Variants in PTPRN2 observed in about 807,000 individuals in gnomAD.
PTPRN2 encodes the protein protein tyrosine phosphatase receptor type N2, also known as receptor-type tyrosine-protein phosphatase N2.
A neutral mutation model predicts 118.8 loss-of-function variants in PTPRN2; 74 were observed. That is an observed-to-expected ratio of 0.62 (90% CI 0.52 to 0.76). The LOEUF (loss-of-function observed/expected upper bound fraction) is 0.76, where lower values mean the gene tolerates loss of function less well. PTPRN2 is among the 30% of genes least tolerant of loss of function. PTPRN2 has a pLI of 0.00. For synonymous variants in PTPRN2, 641 were observed against 608.0 expected, an observed-to-expected ratio of 1.05 and a Z score of -0.80; for missense variants, 1,481 against 1,394.4, an observed-to-expected ratio of 1.06 and a Z score of -0.99.
intron 14 of PTPRN2, among the ~76,000 whole-genome samples, chr7:157,628,140 G>T (rs999178844): frequency 3.9e-5 from 6 of 152,178 alleles, no homozygotes; most frequent in African/African-American, 1.4e-4. Flanking sequence ...CCATGTGTCA[G>T]GCAAACCAAC....
intron 11 of PTPRN2, among the ~76,000 whole-genome samples, chr7:158,005,075 AT>A (rs67167916): frequency 1.5e-3 from 207 of 140,200 alleles, no homozygotes; most frequent in African/African-American, 3.1e-3. Flanking sequence ...TGTGGCCACT[AT>A]TTTTTTTTTT....
intron 11 of PTPRN2, among the ~76,000 whole-genome samples, chr7:157,932,363 A>G (rs1563250199): frequency 1.3e-5 from 2 of 149,822 alleles, no homozygotes; most frequent in Non-Finnish European, 3.0e-5. Flanking sequence ...ATGTCTCTCT[A>G]GCCTCCTTCA....
At chr7:157,826,962 C>A (rs1330699687) in intron 12 of PTPRN2, among the ~76,000 whole-genome samples, 1 of 152,124 alleles carries the variant, frequency 6.6e-6, no homozygotes, top group African/African-American at 2.4e-5. Context: ...CTGCACAGGA[C>A]CCTCCAAATG....
intron 6 of PTPRN2, among the ~76,000 whole-genome samples, chr7:158,151,874 A>G (rs2150533821): frequency 6.6e-6 from 1 of 152,350 alleles, no homozygotes; most frequent in Admixed American, 6.5e-5. Context: ...ACAGGAAACA[A>G]ATAAAAACCA....
intron 22 of PTPRN2, among the ~76,000 whole-genome samples, chr7:157,543,950 G>A (rs892948237): frequency 9.9e-5 from 15 of 152,200 alleles, no homozygotes; most frequent in African/African-American, 3.6e-4. Context: ...AGACGGAGAT[G>A]GAGAGAGATG....
intron 12 of PTPRN2, among the ~76,000 whole-genome samples, chr7:157,897,066 C>T (rs935492714): frequency 2.6e-5 from 4 of 152,144 alleles, no homozygotes; most frequent in African/African-American, 4.8e-5. Context: ...AGCCTCGACG[C>T]GTTCTCTGAC....
intron 2 of PTPRN2, among the ~76,000 whole-genome samples, chr7:158,396,679 C>T (rs1181895539): frequency 2.6e-5 from 4 of 152,084 alleles, no homozygotes; most frequent in Non-Finnish European, 5.9e-5. Context: ...TTTGTGTGCA[C>T]GTGTGTGTGC....
intron 2 of PTPRN2, among the ~76,000 whole-genome samples, chr7:158,341,335 C>T (rs1301213062): frequency 1.6e-3 from 240 of 146,418 alleles, no homozygotes; most frequent in African/African-American, 5.9e-3. Flanking sequence ...TCACTCACAC[C>T]CACACTCTCA....
chr7:158,530,882 G>C (rs1825175611), intron 1 of PTPRN2, among the ~76,000 whole-genome samples: 1 of 152,216 alleles, frequency 6.6e-6, no homozygotes, highest in Non-Finnish European at 1.5e-5. Context: ...TCACTCAGCA[G>C]AGCAGGGGAA....
At chr7:158,441,914 A>G (rs111162949) in intron 2 of PTPRN2, among the ~76,000 whole-genome samples, 48 of 36,046 alleles carry the variant, frequency 1.3e-3, no homozygotes, top group East Asian at 4.4e-3. Context: ...AGTGGTGGTG[A>G]TGGTGATAGT....
chr7:158,474,185 C>T (rs1317697366), intron 2 of PTPRN2, among the ~76,000 whole-genome samples: 1 of 152,198 alleles, frequency 6.6e-6, no homozygotes, highest in Non-Finnish European at 1.5e-5. Flanking sequence ...CAGGCCAACC[C>T]AAGAGGCACA....
chr7:158,418,814 T>C lies in PTPRN2; in HGVS notation c.163+70921A>G, dbSNP rs1005931536. Among the ~76,000 whole-genome samples the C allele has an allele frequency of 5.3e-5, 8 of 152,214 alleles. No homozygotes were observed. The East Asian group carries it at 1.4e-3, about 26-fold the overall frequency. On this transcript the variant is annotated intron_variant, in intron 2 of 22. Transcript: ENST00000389418. ...GTGTACTACATCGAGATGCTCCAGC[T>C]CTCAGTGTCCCACTGTGTTAAGTCA...
At chr7:158,139,503 G>T (rs745471023) in intron 6 of PTPRN2, among the ~76,000 whole-genome samples, 2 of 151,786 alleles carry the variant, frequency 1.3e-5, no homozygotes, top group Non-Finnish European at 2.9e-5. Context: ...GGGGGGGTGG[G>T]AAAGGAACCA....
intron 12 of PTPRN2, among the ~76,000 whole-genome samples, chr7:157,817,062 G>C (rs1806453210): frequency 1.3e-5 from 2 of 152,238 alleles, no homozygotes; most frequent in African/African-American, 4.8e-5. Flanking sequence ...TGCTCAAGGT[G>C]GAGGGAGGCT....
At position 158,204,699 on chromosome 7, in the gene PTPRN2, A is replaced by G. The variant is rs117944741; in HGVS notation, c.380+472T>C. Among the ~76,000 whole-genome samples the G allele has an allele frequency of 9.7e-3, 1,480 of 152,278 alleles. 85 individuals are homozygous for G. The East Asian group carries it at 0.17, about 18-fold the overall frequency. ...ATTAGTCCATGGTATGTATGACATT[A>G]CCACATCGTTTGTATGACATTAGTA... On this transcript the variant is annotated intron_variant, in intron 4 of 22. Coordinates refer to ENST00000389418, the MANE Select transcript of PTPRN2 (RefSeq NM_002847.5).
chr7:157,620,798 CA>C (rs1446341560), intron 15 of PTPRN2, among the ~76,000 whole-genome samples: 1 of 152,192 alleles, frequency 6.6e-6, no homozygotes, highest in Non-Finnish European at 1.5e-5. Flanking sequence ...AAGTCTGCTG[CA>C]GGCGGGGGGT....
intron 5 of PTPRN2, among the ~76,000 whole-genome samples, chr7:158,178,490 G>A (rs191877642): frequency 1.4e-3 from 207 of 151,190 alleles, no homozygotes; most frequent in Non-Finnish European, 2.1e-3. Context: ...TTAGAATAAT[G>A]GCTTCCAGCT....
intron 17 of PTPRN2, 26 bp from the exon 18 acceptor site, chr7:157,578,166 G>C (rs775108277): frequency 4.4e-6 from 7 of 1,589,312 alleles, no homozygotes; most frequent in Non-Finnish European, 5.2e-6. Context: ...GCCCGTGGCC[G>C]CGGTGTGACT....
intron 10 of PTPRN2, among the ~76,000 whole-genome samples, chr7:158,087,424 G>A (rs148037182): frequency 2.3e-3 from 344 of 152,346 alleles, no homozygotes; most frequent in African/African-American, 7.7e-3. Flanking sequence ...GGTAAGAAGC[G>A]TCTGATGCAA....
Sources: allele counts gnomAD v4.1 joint callset (sites outside exome capture counted in the v4.1 genomes callset), GRCh38; gene constraint gnomAD v4.1.1; transcripts MANE v1.5; gene names NCBI Gene and HGNC (gene_info 2026-07-23, HGNC 2026-07-21).